Variants in BAIAP3 observed in about 807,000 individuals in gnomAD.
BAIAP3 encodes the protein BAI1-associated protein 3.
In BAIAP3, 180 loss-of-function variants were observed where a neutral mutation model predicts 149.7. The ratio of observed to expected loss-of-function variants is 1.20; its 90% CI spans 1.07 to 1.36. The LOEUF is 1.36. BAIAP3 is among the 40% of genes most tolerant of loss of function. The pLI, the probability that BAIAP3 is intolerant of heterozygous loss-of-function variation, is 0.00. For synonymous variants in BAIAP3, 845 were observed against 670.7 expected, an observed-to-expected ratio of 1.26 and a Z score of -4.02; for missense variants, 1,767 against 1,563.4, an observed-to-expected ratio of 1.13 and a Z score of -2.20.
Position 1,342,809 on chromosome 16 carries a change from G to A in BAIAP3, c.1156G>A (p.Glu386Lys). 1.9e-6 allele frequency: 3 copies of A among 1,612,594 alleles called. No individual in the cohort carries two copies. The East Asian group carries it at 6.7e-5, about 36-fold the overall frequency. Residue 386 changes from glutamate to lysine, a missense_variant, in exon 13 of 34, where the codon GAG (glutamate) becomes AAG (lysine). By Grantham distance (56) the Glu-to-Lys change is moderately conservative. Transcript: ENST00000426824. ...SHLLRLEHSA[E>K]EPNSSSWRGE... ...TCTGCTGCGGTTGGAGCACTCAGCAGAGGAGGTAGTGGGTGCGCCTAGGAT... is the reference window on the plus strand; with the variant it reads ...TCTGCTGCGGTTGGAGCACTCAGCAAAGGAGGTAGTGGGTGCGCCTAGGAT...
Position 1,343,931 on chromosome 16 carries a change from G to A in BAIAP3, c.1387-91G>A, listed in dbSNP as rs375727557. On this transcript the variant is annotated intron_variant, in intron 15 of 33. Coordinates refer to ENST00000426824, the MANE Select transcript of BAIAP3 (RefSeq NM_001199097.2). ...GCAGAGCTGGGCTGACCATGCCCGG[G>A]GAAGGGTGTTGCGGGCCAAGGCAGG... 334 of 1,563,720 alleles carry A rather than the reference G, an allele frequency of 2.1e-4. 2 individuals carry two copies. The East Asian group carries it at 4.8e-3, about 22-fold the overall frequency.
rs771970518 is a variant in BAIAP3 at position 1,340,977 on chromosome 16, C to T, written c.464C>T (p.Ala155Val). The T allele has an allele frequency of 2.5e-6, 4 of 1,597,152 alleles. No homozygotes were observed. Among genetic ancestry groups the T allele is most frequent in the Non-Finnish European group, 3.4e-6 (4 of 1,172,604 alleles). The change falls in exon 6 of 34, where the codon GCC (alanine) becomes GTC (valine). Residue 155 changes from alanine (A) to valine (V), a missense_variant. Transcript: ENST00000426824. The part of the protein sequence containing the change: ...HTEAIERVRK[A>V]KAPTYALKVS... ...GAGGCCATCGAGCGAGTGAGGAAGG[C>T]CAAGGTGAGGCCGCCACTGCCTGGG...
rs777262851 is a variant in BAIAP3, at chr16:1,347,529, G to A, written c.2824-16G>A. On this transcript the variant is annotated splice_polypyrimidine_tract_variant and intron_variant, in intron 29 of 33. Coordinates refer to ENST00000426824, the MANE Select transcript of BAIAP3 (RefSeq NM_001199097.2). The stretch of plus-strand genomic sequence containing the variant: ...CCAGCACCCAGGGGCCCCTCCTGAT[G>A]CGCTTCCCCCTGCAGAGGCTGAAGG... 1.3e-6 allele frequency: 2 copies of A among 1,593,762 alleles called. No homozygotes were observed. Among genetic ancestry groups the A allele is most frequent in the East Asian group, 4.6e-5 (2 of 43,582 alleles).
At chr16:1,345,216 C>T (rs2034230937) in intron 21 of BAIAP3, 33 bp from the exon 22 acceptor site, 1 of 1,611,014 alleles carries the variant, frequency 6.2e-7, no homozygotes, top group East Asian at 2.2e-5. Flanking sequence ...GTGTCTGAGT[C>T]AGGGCCGAGC....
At chr16:1,343,969 C>T (rs2034119333) in intron 15 of BAIAP3, 53 bp from the exon 16 acceptor site, 1 of 1,604,820 alleles carries the variant, frequency 6.2e-7, no homozygotes, top group East Asian at 2.2e-5. Flanking sequence ...GGATGTTTCT[C>T]CTCATCAGTG....
intron 12 of BAIAP3, 21 bp from the exon 13 acceptor site, chr16:1,342,698 T>G (rs752836385): frequency 1.9e-6 from 3 of 1,612,080 alleles, no homozygotes; most frequent in Non-Finnish European, 2.5e-6. Flanking sequence ...AGCTGGTGAC[T>G]GGGTGGGCTC....
chr16:1,347,955 C>T lies in BAIAP3; in HGVS notation c.3087C>T (p.Arg1029=), dbSNP rs116667639. The T allele has an allele frequency of 1.9e-6, 3 of 1,612,020 alleles. No individual in the cohort carries two copies. The highest frequency in any genetic ancestry group is 2.5e-6 in the Non-Finnish European group (3 of 1,179,934). ...CACCGCATCTCTTTCCACTGGTCCG[C>T]AGCCAGAGGACCCAGGTGAAGACCC... ...LGPPHLFPLV[R]SQRTQVKTRT... is the part of the protein sequence containing the mutation. Residue 1029 remains arginine (R), a synonymous_variant, in exon 32 of 34, where the codon CGC becomes CGT. Coordinates refer to ENST00000426824, the MANE Select transcript of BAIAP3 (RefSeq NM_001199097.2).
Position 1,338,697 on chromosome 16 carries a change from C to A in BAIAP3, c.131+17C>A. 6.4e-7 allele frequency: 1 copy of A among 1,569,058 alleles called. No homozygotes were observed. The highest frequency in any genetic ancestry group is 2.3e-5 in the East Asian group (1 of 42,714). ...GGGGGCCTGGTGGGTGCCGAGGGGC[C>A]CAGCCCCACACGCCCACAGGGCCAT... On this transcript the variant is annotated intron_variant, in intron 2 of 33. Transcript: ENST00000426824.
At chr16:1,338,511 G>A in intron 1 of BAIAP3, 29 bp from the exon 2 acceptor site, 2 of 1,533,624 alleles carry the variant, frequency 1.3e-6, no homozygotes, top group South Asian at 2.3e-5. Context: ...TGGACGACCT[G>A]AGGCTGCGGG....
intron 30 of BAIAP3, 24 bp from the exon 31 acceptor site, chr16:1,347,677 C>T (rs758509917): frequency 3.1e-6 from 5 of 1,611,890 alleles, no homozygotes; most frequent in East Asian, 2.2e-5. Flanking sequence ...CAGAGCCCAG[C>T]TGCGCTCACC....
Position 1,346,449 on chromosome 16 carries a change from G to A in BAIAP3, c.2501G>A (p.Gly834Asp), listed in dbSNP as rs1250457669. The change falls in exon 26 of 34, where the codon GGC becomes GAC. Residue 834 changes from glycine to aspartate, a missense_variant. By Grantham distance (94) the Gly-to-Asp change is moderately conservative. Transcript: ENST00000426824. ...CACTGCTCCTGCCCTCAGATGGTGG[G>A]CGACATCCGCAAGTATGTACAGCAC... is the stretch of plus-strand genomic sequence containing the variant. ...VTAHLTSKMV[G>D]DIRKYVQHIS... The A allele has an allele frequency of 1.9e-6, 3 of 1,612,404 alleles. No individual in the cohort carries two copies. The East Asian group carries it at 6.7e-5, about 36-fold the overall frequency.
Position 1,345,022 on chromosome 16 carries a change from G to C in BAIAP3, c.1863G>C (p.Leu621=), listed in dbSNP as rs267604415. Residue 621 remains leucine (L), a synonymous_variant, in exon 21 of 34, where the codon CTG becomes CTC. Coordinates refer to ENST00000426824, the MANE Select transcript of BAIAP3 (RefSeq NM_001199097.2). ...LTEELSPKMT[L]EVASGLFELY... ...AGGAGCTGAGCCCCAAGATGACCCT[G>C]GAGGTGGCCTCGGGGCTCTTTGAGC... 1 of 1,612,630 alleles carries C rather than the reference G, an allele frequency of 6.2e-7. No individual in the cohort carries two copies. Among genetic ancestry groups the C allele is most frequent in the East Asian group, 2.2e-5 (1 of 44,888 alleles).
At chr16:1,343,833 C>T (rs1351968359) in intron 15 of BAIAP3, among the ~76,000 whole-genome samples, 189 bp from the exon 16 acceptor site, 2 of 152,162 alleles carry the variant, frequency 1.3e-5, no homozygotes, top group Non-Finnish European at 2.9e-5. Context: ...ACGTGAGCTG[C>T]GTGGGTGGAA....
chr16:1,348,144 C>T lies in BAIAP3; in HGVS notation c.3198C>T (p.Phe1066=). The change falls in exon 33 of 34, where the codon TTC becomes TTT. Residue 1066 remains phenylalanine (F), a synonymous_variant. Coordinates refer to ENST00000426824, the MANE Select transcript of BAIAP3 (RefSeq NM_001199097.2). ...GCCGCCGCGCGGCCTGTGTGTTGTTCACCGTCATGGACCACGACTGGCTGT... is the reference window on the plus strand; with the variant it reads ...GCCGCCGCGCGGCCTGTGTGTTGTTTACCGTCATGGACCACGACTGGCTGT... ...ACRRRAACVL[F]TVMDHDWLST... 1.2e-6 allele frequency: 2 copies of T among 1,607,480 alleles called. No individual in the cohort carries two copies. The highest frequency in any genetic ancestry group is 8.5e-7 in the Non-Finnish European group (1 of 1,179,740).
At position 1,339,498 on chromosome 16, in the gene BAIAP3, G is replaced by A. The variant is rs763660506; in HGVS notation, c.303G>A (p.Val101=). The change falls in exon 5 of 34, where the codon GTG becomes GTA. Residue 101 remains valine, a splice_region_variant and synonymous_variant. Transcript: ENST00000426824. ...LGLRALAPEE[V]EMLYEEALYT... is the part of the protein sequence containing the mutation. The stretch of plus-strand genomic sequence containing the variant: ...GGCCGCCCTTCCCCCACCTGCAGGT[G>A]GAGATGCTCTACGAGGAGGCCCTGT... The A allele has an allele frequency of 6.2e-7, 1 of 1,607,952 alleles. No homozygotes were observed.
At chr16:1,345,497 ACCCCAGCCT>A (rs1483688358) in intron 22 of BAIAP3, 125 bp downstream of exon 22, 30 of 973,790 alleles carry the variant, frequency 3.1e-5, no homozygotes, top group Non-Finnish European at 3.2e-5. Flanking sequence ...CTCCCCCTCA[ACCCCAGCCT>A]CCCCGGCCTC....
chr16:1,339,281 C>T (rs1483720016), intron 4 of BAIAP3, 37 bp downstream of exon 4: 1 of 1,546,236 alleles, frequency 6.5e-7, no homozygotes. Flanking sequence ...CAGTCGTCTG[C>T]AGCGGCTGCT....
At position 1,347,077 on chromosome 16, in the gene BAIAP3, T is replaced by G. The variant is rs2034427811; in HGVS notation, c.2751+122T>G. 5.0e-6 allele frequency: 5 copies of G among 990,936 alleles called. No individual in the cohort carries two copies. In the Admixed American group the frequency reaches 1.1e-4, roughly 22 times the overall value. 61.4% of individuals were successfully genotyped at this position (990,936 alleles called of 1,614,324 possible). ...CTGGAGAGCAGCCACTCCAGGGCTGTCCACAGCGCCTCCTCCCGTTAATGC... is the reference window on the plus strand; with the variant it reads ...CTGGAGAGCAGCCACTCCAGGGCTGGCCACAGCGCCTCCTCCCGTTAATGC... On this transcript the variant is annotated intron_variant, in intron 28 of 33. Coordinates refer to ENST00000426824, the MANE Select transcript of BAIAP3 (RefSeq NM_001199097.2).
At chr16:1,338,348 C>T (rs1040505021) in intron 1 of BAIAP3, among the ~76,000 whole-genome samples, 192 bp from the exon 2 acceptor site, 6 of 152,232 alleles carry the variant, frequency 3.9e-5, no homozygotes, top group Admixed American at 6.5e-5. Flanking sequence ...GGGACTTAGC[C>T]GGTCACCCAG....
Sources: gnomAD v4.1 joint callset for allele counts (sites outside exome capture counted in the v4.1 genomes callset) on GRCh38, gnomAD v4.1.1 for gene constraint, MANE v1.5 for transcripts, NCBI Gene and HGNC (gene_info 2026-07-23, HGNC 2026-07-21) for gene names.